MSRA: variants seen among roughly 807,000 people sequenced by gnomAD.
MSRA encodes mitochondrial peptide methionine sulfoxide reductase.
Under a neutral mutation model 31.3 loss-of-function variants are expected in MSRA, and 54 were observed. The observed-to-expected ratio is 1.73, with a 90% confidence interval of 1.39 to 2.17. The LOEUF (loss-of-function observed/expected upper bound fraction) is 2.17. MSRA is among the 30% of genes most tolerant of loss of function. The pLI is 0.00. For synonymous variants in MSRA, 169 were observed against 116.5 expected (o/e 1.45, Z -2.90); for missense variants, 507 against 300.9 (o/e 1.69, Z -5.07).
intron 3 of MSRA, among the ~76,000 whole-genome samples, chr8:10,281,581 C>T (rs570481229): frequency 4.6e-5 from 7 of 152,290 alleles, no homozygotes; most frequent in South Asian, 2.1e-4. Flanking sequence ...GCCAGTACAC[C>T]GCATATAACA....
chr8:10,118,697 T>G (rs1330167241), intron 1 of MSRA, among the ~76,000 whole-genome samples: 1 of 152,134 alleles, frequency 6.6e-6, no homozygotes, highest in African/African-American at 2.4e-5. Flanking sequence ...TTCTGTTCTC[T>G]CCTCTGAGGA....
chr8:10,133,489 GGA>G (rs1289790086), intron 1 of MSRA, among the ~76,000 whole-genome samples: 2 of 152,150 alleles, frequency 1.3e-5, no homozygotes, highest in Non-Finnish European at 2.9e-5. Flanking sequence ...TGCACATCCA[GGA>G]GAGAGATTTT....
intron 3 of MSRA, among the ~76,000 whole-genome samples, chr8:10,262,077 G>A (rs1798513676): frequency 6.6e-6 from 1 of 152,160 alleles, no homozygotes; most frequent in Non-Finnish European, 1.5e-5. Flanking sequence ...TTATCACTGA[G>A]TAATAATCCA....
At chr8:10,066,164 C>T (rs762103466) in intron 1 of MSRA, among the ~76,000 whole-genome samples, 2 of 152,080 alleles carry the variant, frequency 1.3e-5, no homozygotes, top group Non-Finnish European at 2.9e-5. Flanking sequence ...GCTGGGATTA[C>T]AGGCGCCCAG....
intron 1 of MSRA, among the ~76,000 whole-genome samples, chr8:10,200,428 A>G (rs1808394060): frequency 6.6e-6 from 1 of 152,032 alleles, no homozygotes; most frequent in Admixed American, 6.5e-5. Context: ...TTGAGAGTAA[A>G]TCTCACCTTC....
chr8:10,256,848 T>A (rs370874690), intron 3 of MSRA, among the ~76,000 whole-genome samples: 5 of 152,304 alleles, frequency 3.3e-5, no homozygotes, highest in African/African-American at 1.2e-4. Context: ...TTTCTCAGTT[T>A]GGGAGGACCT....
At chr8:10,338,495 C>G (rs544959211) in intron 5 of MSRA, among the ~76,000 whole-genome samples, 61 of 152,104 alleles carry the variant, frequency 4.0e-4, no homozygotes, top group Non-Finnish European at 6.9e-4. Context: ...TTTAACACGT[C>G]TCACCATAAA....
At chr8:10,366,973 G>A (rs896795065) in intron 5 of MSRA, among the ~76,000 whole-genome samples, 1 of 152,032 alleles carries the variant, frequency 6.6e-6, no homozygotes, top group African/African-American at 2.4e-5. Context: ...CCCCTTATCC[G>A]CCGTTTCGCT....
At chr8:10,282,565 A>G (rs1357933852) in intron 3 of MSRA, among the ~76,000 whole-genome samples, 1 of 152,182 alleles carries the variant, frequency 6.6e-6, no homozygotes, top group Non-Finnish European at 1.5e-5. Context: ...CTCCGGTGAC[A>G]GAGCAGCCAT....
chr8:10,309,377 C>G (rs764032621), intron 4 of MSRA, among the ~76,000 whole-genome samples: 1 of 152,338 alleles, frequency 6.6e-6, no homozygotes, highest in South Asian at 2.1e-4. Flanking sequence ...TAATAGCTGT[C>G]GTGCTCATGC....
intron 5 of MSRA, among the ~76,000 whole-genome samples, chr8:10,385,999 T>C (rs542474942): frequency 6.6e-6 from 1 of 152,210 alleles, no homozygotes; most frequent in Non-Finnish European, 1.5e-5. Flanking sequence ...TCATAACCCA[T>C]TCATTCAGAC....
intron 1 of MSRA, among the ~76,000 whole-genome samples, chr8:10,119,579 G>A (rs543304254): frequency 6.4e-4 from 98 of 152,338 alleles, no homozygotes; most frequent in Non-Finnish European, 1.2e-3. Context: ...TTAAAGCACA[G>A]CCTTGCCCTT....
At chr8:10,148,262 A>G (rs1351654943) in intron 1 of MSRA, among the ~76,000 whole-genome samples, 6 of 152,004 alleles carry the variant, frequency 3.9e-5, no homozygotes, top group Non-Finnish European at 8.8e-5. Context: ...CCTTCATATA[A>G]TGCACCCTGC....
At chr8:10,265,254 C>T (rs1488653816) in intron 3 of MSRA, among the ~76,000 whole-genome samples, 2 of 152,080 alleles carry the variant, frequency 1.3e-5, no homozygotes, top group Non-Finnish European at 2.9e-5. Context: ...AAGAGGGAGG[C>T]AGAGGACACA....
chr8:10,334,913 C>A (rs1222480126), intron 5 of MSRA, among the ~76,000 whole-genome samples: 2 of 152,188 alleles, frequency 1.3e-5, no homozygotes, highest in Non-Finnish European at 2.9e-5. Context: ...GATGGCTGTT[C>A]GGGCCCCGCC....
chr8:10,286,265 C>G (rs1318817012), intron 3 of MSRA, among the ~76,000 whole-genome samples: 1 of 152,176 alleles, frequency 6.6e-6, no homozygotes, highest in Non-Finnish European at 1.5e-5. Flanking sequence ...CAGATCTCAT[C>G]TTGAATTCCC....
At chr8:10,117,665 C>G (rs1800783046) in intron 1 of MSRA, among the ~76,000 whole-genome samples, 2 of 152,200 alleles carry the variant, frequency 1.3e-5, no homozygotes, top group Non-Finnish European at 2.9e-5. Context: ...AATATGTGGA[C>G]TTGCCCATTT....
chr8:10,165,150 TGAG>T (rs1410497757), intron 1 of MSRA, among the ~76,000 whole-genome samples: 1 of 152,214 alleles, frequency 6.6e-6, no homozygotes, highest in Non-Finnish European at 1.5e-5. Context: ...CGGCCTAGGT[TGAG>T]AAGATCAGCT....
At chr8:10,217,173 A>C (rs1287748770) in intron 2 of MSRA, among the ~76,000 whole-genome samples, 2 of 152,182 alleles carry the variant, frequency 1.3e-5, no homozygotes, top group African/African-American at 4.8e-5. Context: ...GGGGAATCAC[A>C]CATATTTTGG....
Sources: gnomAD v4.1 joint callset for allele counts (sites outside exome capture counted in the v4.1 genomes callset) on GRCh38, gnomAD v4.1.1 for gene constraint, MANE v1.5 for transcripts, NCBI Gene and HGNC (gene_info 2026-07-23, HGNC 2026-07-21) for gene names.